MPP7: variants seen among roughly 807,000 people sequenced by gnomAD.
MPP7 encodes MAGUK p55 scaffold protein 7.
A neutral mutation model predicts 76.5 loss-of-function variants in MPP7; 60 were observed. The observed-to-expected ratio is 0.78, with a 90% CI of 0.64 to 0.97. The LOEUF is 0.97. Among genes scored for constraint, MPP7 ranks in the 50% least tolerant of loss-of-function variants. The pLI, the probability that MPP7 is intolerant of heterozygous loss-of-function variation, is 0.00. For missense variants in MPP7, 641 were observed against 694.0 expected (o/e 0.92, Z 0.86); for synonymous variants, 237 against 244.5 (o/e 0.97, Z 0.29).
rs1212315457 is a variant in MPP7, at chr10:28,053,566, T to C, written c.*499A>G. 6.5e-6 allele frequency: 1 copy of C among 152,998 alleles called. No homozygotes were observed. Among genetic ancestry groups the C allele is most frequent in the African/African-American group, 2.4e-5 (1 of 41,454 alleles). The allele number at this position is 152,998 out of a possible 1,614,324, so 9.5% of individuals were successfully genotyped here. A position where few individuals can be genotyped will look rare whatever the true frequency, so the allele number is the denominator to read the frequency against. ...GAATATGTAAGAAAGTCTACACTTTTTGAATAGTAAGAGGACACCTTACTG... is the reference window on the plus strand; with the variant it reads ...GAATATGTAAGAAAGTCTACACTTTCTGAATAGTAAGAGGACACCTTACTG... On this transcript the variant is annotated 3_prime_UTR_variant, in exon 17 of 17. Transcript: ENST00000683449.
intron 2 of MPP7, among the ~76,000 whole-genome samples, chr10:28,208,363 G>T (rs1397605737): frequency 1.3e-5 from 2 of 152,148 alleles, no homozygotes; most frequent in African/African-American, 2.4e-5. Flanking sequence ...GGCATAGCAG[G>T]ACTAAAAAGC....
chr10:28,149,728 C>CT (rs1400423520), intron 4 of MPP7, among the ~76,000 whole-genome samples: 1 of 152,164 alleles, frequency 6.6e-6, no homozygotes, highest in East Asian at 1.9e-4. Flanking sequence ...AGTTTAAAGC[C>CT]TAAAATGTCT....
chr10:28,213,293 G>A (rs1054657647), intron 2 of MPP7, among the ~76,000 whole-genome samples: 2 of 152,052 alleles, frequency 1.3e-5, no homozygotes, highest in East Asian at 3.9e-4. Flanking sequence ...TGAAGGAACA[G>A]GGTCAAGCGC....
intron 11 of MPP7, among the ~76,000 whole-genome samples, chr10:28,092,590 T>TTTTTTTTTTTGGA (rs1564626660): frequency 6.7e-6 from 1 of 149,420 alleles, no homozygotes; most frequent in Non-Finnish European, 1.5e-5. Flanking sequence ...TTTTTTTTTT[T>TTTTTTTTTTTGGA]GAGACAGGGA....
intron 2 of MPP7, among the ~76,000 whole-genome samples, chr10:28,233,457 C>T (rs1305850370): frequency 6.6e-6 from 1 of 152,070 alleles, no homozygotes; most frequent in African/African-American, 2.4e-5. Flanking sequence ...CCTGTAATCC[C>T]AGCACTTTGG....
At chr10:28,166,355 A>G (rs1836456524) in intron 3 of MPP7, among the ~76,000 whole-genome samples, 2 of 147,064 alleles carry the variant, frequency 1.4e-5, no homozygotes, top group Non-Finnish European at 1.5e-5. Context: ...AAACTCCTCC[A>G]TCCTCCAAGA....
intron 1 of MPP7, among the ~76,000 whole-genome samples, chr10:28,272,724 C>T (rs1351459300): frequency 2.0e-5 from 3 of 151,734 alleles, no homozygotes; most frequent in Non-Finnish European, 4.4e-5. Flanking sequence ...TATATAAACT[C>T]TTAGTTTAAA....
intron 13 of MPP7, among the ~76,000 whole-genome samples, chr10:28,061,986 C>G (rs573112493): frequency 6.6e-6 from 1 of 151,528 alleles, no homozygotes; most frequent in Non-Finnish European, 1.5e-5. Context: ...AATTCACAGC[C>G]GACTGTTCAA....
intron 11 of MPP7, among the ~76,000 whole-genome samples, chr10:28,104,329 A>G (rs971584785): frequency 6.6e-6 from 1 of 152,232 alleles, no homozygotes; most frequent in African/African-American, 2.4e-5. Context: ...GGAAAAAACA[A>G]GTGGGATTGG....
chr10:28,284,006 A>G (rs1840740477), intron 1 of MPP7, among the ~76,000 whole-genome samples: 1 of 152,256 alleles, frequency 6.6e-6, no homozygotes. Context: ...ACAGAAGCCA[A>G]GTCAAAATCA....
At chr10:28,088,937 G>A (rs746046735) in intron 12 of MPP7, among the ~76,000 whole-genome samples, 43 of 152,202 alleles carry the variant, frequency 2.8e-4, no homozygotes, top group Non-Finnish European at 3.2e-4. Context: ...GTGCAGTGGC[G>A]CGATCTTGGC....
chr10:28,203,577 T>C (rs914460173), intron 2 of MPP7, among the ~76,000 whole-genome samples: 2 of 151,866 alleles, frequency 1.3e-5, no homozygotes, highest in African/African-American at 4.8e-5. Flanking sequence ...CTTAAAATCC[T>C]GGCATTCTGC....
At chr10:28,185,286 A>G (rs1837199830) in intron 3 of MPP7, among the ~76,000 whole-genome samples, 1 of 151,594 alleles carries the variant, frequency 6.6e-6, no homozygotes, top group African/African-American at 2.4e-5. Context: ...AATATAAGTT[A>G]TTATCTTATT....
intron 3 of MPP7, among the ~76,000 whole-genome samples, chr10:28,181,175 T>C (rs931405553): frequency 6.6e-6 from 1 of 152,216 alleles, no homozygotes; most frequent in East Asian, 1.9e-4. Flanking sequence ...AATAACATTT[T>C]GAAACATTTA....
intron 3 of MPP7, among the ~76,000 whole-genome samples, chr10:28,165,547 AAAAAG>A (rs997185937): frequency 1.3e-5 from 2 of 151,940 alleles, no homozygotes; most frequent in African/African-American, 2.4e-5. Flanking sequence ...AAAAAAAAAA[AAAAAG>A]AAAGAAGCCT....
intron 3 of MPP7, among the ~76,000 whole-genome samples, chr10:28,168,769 C>T (rs1282444951): frequency 2.0e-5 from 3 of 152,114 alleles, no homozygotes; most frequent in African/African-American, 7.2e-5. Context: ...CTGCCCACCT[C>T]GGCCTCCCAA....
intron 11 of MPP7, among the ~76,000 whole-genome samples, chr10:28,097,872 A>G (rs1853641431): frequency 6.6e-6 from 1 of 152,216 alleles, no homozygotes. Context: ...TTGTAATTTA[A>G]GGTGTTTTCA....
intron 5 of MPP7, among the ~76,000 whole-genome samples, chr10:28,139,097 A>T (rs1461030355): frequency 7.2e-5 from 11 of 152,154 alleles, no homozygotes; most frequent in Admixed American, 6.5e-4. Flanking sequence ...AACAAAAGAA[A>T]CTATTTTAAG....
intron 11 of MPP7, among the ~76,000 whole-genome samples, chr10:28,098,357 G>A (rs1853663354): frequency 6.6e-6 from 1 of 151,758 alleles, no homozygotes; most frequent in South Asian, 2.1e-4. Context: ...TACACTATGA[G>A]TTTTACTTTT....
Sources: gnomAD v4.1 joint callset for allele counts (sites outside exome capture counted in the v4.1 genomes callset) on GRCh38, gnomAD v4.1.1 for gene constraint, MANE v1.5 for transcripts, NCBI Gene and HGNC (gene_info 2026-07-23, HGNC 2026-07-21) for gene names.